Variants in DEPTOR observed in about 807,000 individuals in gnomAD.
DEPTOR encodes the protein DEP domain containing MTOR interacting protein.
DEPTOR carries 41 observed loss-of-function variants against 41.6 expected under a neutral mutation model. The ratio of observed to expected loss-of-function variants is 0.98; its 90% CI spans 0.77 to 1.28. The LOEUF (loss-of-function observed/expected upper bound fraction) is 1.28, where lower values mean the gene tolerates loss of function less well. Among genes scored for constraint, DEPTOR ranks in the 50% most tolerant of loss-of-function variants. The pLI is 0.00. For missense variants in DEPTOR, 514 were observed against 527.9 expected, an observed-to-expected ratio of 0.97 and a Z score of 0.26; for synonymous variants, 195 against 192.3, an observed-to-expected ratio of 1.01 and a Z score of -0.12.
intron 1 of DEPTOR, among the ~76,000 whole-genome samples, chr8:119,894,692 G>A (rs149957709): frequency 3.6e-4 from 55 of 152,194 alleles, no homozygotes; most frequent in African/African-American, 9.9e-4. Flanking sequence ...CAACGCGCCT[G>A]GCCTCTAATA....
At chr8:120,015,904 T>C (rs1031415030) in intron 8 of DEPTOR, among the ~76,000 whole-genome samples, 1 of 152,032 alleles carries the variant, frequency 6.6e-6, no homozygotes. Flanking sequence ...CACCCTGATG[T>C]TCTACACACT....
intron 3 of DEPTOR, among the ~76,000 whole-genome samples, chr8:119,930,739 G>A (rs1477205258): frequency 1.3e-5 from 2 of 152,062 alleles, no homozygotes; most frequent in East Asian, 1.9e-4. Context: ...TTTTTGGTTG[G>A]TGGGTCTCGA....
chr8:119,890,331 C>G (rs958224791), intron 1 of DEPTOR, among the ~76,000 whole-genome samples: 4 of 151,896 alleles, frequency 2.6e-5, no homozygotes, highest in Non-Finnish European at 5.9e-5. Context: ...GAGACAGGGT[C>G]TCACTCTGTC....
intron 3 of DEPTOR, among the ~76,000 whole-genome samples, chr8:119,945,754 C>T (rs1828263103): frequency 6.6e-6 from 1 of 152,162 alleles, no homozygotes; most frequent in African/African-American, 2.4e-5. Flanking sequence ...TAGAGGAAAT[C>T]CCTCTTGTTT....
chr8:119,971,477 A>G (rs926673024), intron 4 of DEPTOR, among the ~76,000 whole-genome samples: 1 of 152,152 alleles, frequency 6.6e-6, no homozygotes, highest in Admixed American at 6.6e-5. Flanking sequence ...TACTAAGTCC[A>G]TTGGGTCAGC....
chr8:119,978,835 A>G (rs1828728204), intron 4 of DEPTOR, among the ~76,000 whole-genome samples: 1 of 152,174 alleles, frequency 6.6e-6, no homozygotes, highest in Admixed American at 6.5e-5. Flanking sequence ...TGAGCCGCTC[A>G]CTATAATTCA....
intron 1 of DEPTOR, among the ~76,000 whole-genome samples, chr8:119,907,218 G>A (rs745976994): frequency 5.9e-5 from 9 of 152,290 alleles, no homozygotes; most frequent in Middle Eastern, 3.4e-3. Context: ...GAACAAGGTT[G>A]AGGGGTAGTG....
At chr8:120,047,867 G>A (rs1026259851) in intron 8 of DEPTOR, among the ~76,000 whole-genome samples, 4 of 138,776 alleles carry the variant, frequency 2.9e-5, no homozygotes, top group East Asian at 2.0e-4. Flanking sequence ...CCAACATGGC[G>A]AACCCCCTCT....
intron 3 of DEPTOR, among the ~76,000 whole-genome samples, chr8:119,951,056 A>AATATAT (rs763287470): frequency 1.4e-5 from 2 of 141,976 alleles, no homozygotes; most frequent in African/African-American, 5.1e-5. Context: ...GACACTATCT[A>AATATAT]ATATACACAC....
At chr8:120,040,020 T>C (rs927537542) in intron 8 of DEPTOR, among the ~76,000 whole-genome samples, 3 of 151,970 alleles carry the variant, frequency 2.0e-5, no homozygotes, top group African/African-American at 7.2e-5. Flanking sequence ...ATTTTTGTAT[T>C]CTTAGTAGAG....
chr8:120,036,203 C>T (rs1446088466), intron 8 of DEPTOR, among the ~76,000 whole-genome samples: 1 of 152,154 alleles, frequency 6.6e-6, no homozygotes, highest in African/African-American at 2.4e-5. Flanking sequence ...TGAAAGGGGG[C>T]AGATTCTGTA....
chr8:119,877,528 G>T (rs1457371177), intron 1 of DEPTOR, among the ~76,000 whole-genome samples: 1 of 151,992 alleles, frequency 6.6e-6, no homozygotes, highest in Non-Finnish European at 1.5e-5. Flanking sequence ...CTGCCTCTAA[G>T]TGCTTCACAC....
chr8:120,021,830 T>A (rs1812720812), intron 8 of DEPTOR, among the ~76,000 whole-genome samples: 1 of 152,182 alleles, frequency 6.6e-6, no homozygotes, highest in Non-Finnish European at 1.5e-5. Flanking sequence ...CACTGTCTAC[T>A]ATATTTCATC....
intron 1 of DEPTOR, among the ~76,000 whole-genome samples, chr8:119,875,282 G>T (rs1414891744): frequency 1.3e-5 from 2 of 152,156 alleles, no homozygotes; most frequent in Non-Finnish European, 2.9e-5. Context: ...TAAAAACGGA[G>T]TCAGCAAAGG....
intron 3 of DEPTOR, among the ~76,000 whole-genome samples, chr8:119,942,776 A>T (rs1828220096): frequency 6.6e-6 from 1 of 152,244 alleles, no homozygotes; most frequent in Non-Finnish European, 1.5e-5. Context: ...CAAGACATTC[A>T]GCTTTTCTGA....
At chr8:120,025,132 G>A (rs1342494126) in intron 8 of DEPTOR, among the ~76,000 whole-genome samples, 1 of 152,174 alleles carries the variant, frequency 6.6e-6, no homozygotes, top group Non-Finnish European at 1.5e-5. Flanking sequence ...TTAATTACAA[G>A]CTACGTTAAT....
chr8:119,920,411 G>A (rs952781626), intron 1 of DEPTOR, among the ~76,000 whole-genome samples: 18 of 152,136 alleles, frequency 1.2e-4, no homozygotes, highest in Admixed American at 9.2e-4. Context: ...AATATTGTGG[G>A]ACAATAGAGG....
chr8:119,916,638 A>G (rs979581816), intron 1 of DEPTOR, among the ~76,000 whole-genome samples: 1 of 152,342 alleles, frequency 6.6e-6, no homozygotes, highest in South Asian at 2.1e-4. Flanking sequence ...GCCCCTGCAC[A>G]GTATTTCAGC....
At chr8:119,916,278 T>G (rs375296586) in intron 1 of DEPTOR, among the ~76,000 whole-genome samples, 67,366 of 139,334 alleles carry the variant, frequency 0.48, 18,868 homozygotes, top group East Asian at 0.9. Context: ...TTTTTTTTTT[T>G]TTTTTTTTTT....
Sources: allele counts gnomAD v4.1 joint callset (sites outside exome capture counted in the v4.1 genomes callset), GRCh38; gene constraint gnomAD v4.1.1; transcripts MANE v1.5; gene names NCBI Gene and HGNC (gene_info 2026-07-23, HGNC 2026-07-21).